The following CACNA2D3 variants were observed in gnomAD, a reference collection of about 807,000 sequenced individuals.
CACNA2D3 encodes voltage-dependent calcium channel subunit alpha-2/delta-3.
CACNA2D3 carries 60 observed loss-of-function variants against 160.6 expected under a neutral mutation model. The ratio of observed to expected loss-of-function variants is 0.37; its 90% CI spans 0.30 to 0.46. The LOEUF (loss-of-function observed/expected upper bound fraction) is 0.46. CACNA2D3 is among the 20% of genes least tolerant of loss of function. CACNA2D3 has a pLI of 1.00. For missense variants in CACNA2D3, 1,205 were observed against 1,365.0 expected (o/e 0.88, Z 1.85); for synonymous variants, 558 against 492.9 (o/e 1.13, Z -1.75).
rs190146141 is a variant in CACNA2D3 at position 54,363,339 on chromosome 3, G to C, written c.322-23376G>C. Among the ~76,000 whole-genome samples, 9 of 152,272 alleles carry C rather than the reference G, an allele frequency of 5.9e-5. No homozygotes were observed. In the East Asian group the frequency reaches 1.4e-3, roughly 23 times the overall value. On this transcript the variant is annotated intron_variant, in intron 3 of 37. Coordinates refer to ENST00000474759, the MANE Select transcript of CACNA2D3 (RefSeq NM_018398.3). ...AAGCTGGCCCTTAACCAGTTATAGT[G>C]CAAGGTGTCCTGATGTCAAGCAGTT...
intron 3 of CACNA2D3, among the ~76,000 whole-genome samples, chr3:54,330,300 C>G (rs1318051469): frequency 6.6e-6 from 1 of 151,774 alleles, no homozygotes; most frequent in Non-Finnish European, 1.5e-5. Context: ...AGAGCCTCCC[C>G]TCACTGCACC....
chr3:54,591,990 T>C (rs763856735), intron 9 of CACNA2D3, among the ~76,000 whole-genome samples: 10 of 152,142 alleles, frequency 6.6e-5, no homozygotes, highest in Non-Finnish European at 1.5e-4. Flanking sequence ...GCCCGTACCT[T>C]TCATCTTAGG....
rs558348981 is a variant in CACNA2D3, at chr3:54,203,751, C to T, written c.204+80157C>T. On this transcript the variant is annotated intron_variant, in intron 2 of 37. Transcript: ENST00000474759. ...GGCATCTGTCGGTGTGCTGTTCTGC[C>T]GACGTGCTTCCTCGATGTCCTCTCG... Among the ~76,000 whole-genome samples, 43 of 152,124 alleles carry T rather than the reference C, an allele frequency of 2.8e-4. No individual in the cohort carries two copies. The South Asian group carries it at 7.7e-3, about 27-fold the overall frequency.
chr3:54,750,048 T>C (rs1395676212), intron 11 of CACNA2D3, among the ~76,000 whole-genome samples: 1 of 152,242 alleles, frequency 6.6e-6, no homozygotes, highest in Non-Finnish European at 1.5e-5. Context: ...CAGCCATGTC[T>C]GATCTGAAGT....
chr3:54,153,071 C>G (rs1341575331), intron 2 of CACNA2D3, among the ~76,000 whole-genome samples: 1 of 152,152 alleles, frequency 6.6e-6, no homozygotes, highest in Non-Finnish European at 1.5e-5. Flanking sequence ...AGAATGCAAA[C>G]AGATTCTTCT....
chr3:54,918,446 G>T (rs770218220), intron 27 of CACNA2D3: 96 of 1,531,006 alleles, frequency 6.3e-5, no homozygotes, highest in Non-Finnish European at 8.0e-5. Context: ...AATCCTATTT[G>T]AGACAAAAGC....
chr3:54,755,508 A>G (rs1701952842), intron 12 of CACNA2D3, among the ~76,000 whole-genome samples: 1 of 152,214 alleles, frequency 6.6e-6, no homozygotes, highest in Admixed American at 6.5e-5. Context: ...CATATCCTTG[A>G]AGCTCTAAAA....
At chr3:54,319,470 T>A (rs1221968116) in intron 2 of CACNA2D3, among the ~76,000 whole-genome samples, 1 of 152,144 alleles carries the variant, frequency 6.6e-6, no homozygotes, top group Non-Finnish European at 1.5e-5. Flanking sequence ...TAAATATATC[T>A]TACCCAGCAT....
intron 2 of CACNA2D3, among the ~76,000 whole-genome samples, chr3:54,234,893 A>C (rs755597529): frequency 6.6e-6 from 1 of 152,158 alleles, no homozygotes; most frequent in Non-Finnish European, 1.5e-5. Flanking sequence ...AGGAGCAGCA[A>C]AGATAACTAT....
intron 35 of CACNA2D3, among the ~76,000 whole-genome samples, chr3:55,068,134 C>G (rs1297597841): frequency 6.6e-6 from 1 of 152,202 alleles, no homozygotes; most frequent in Non-Finnish European, 1.5e-5. Flanking sequence ...CCTAAGCAGG[C>G]AGAAGGTGCC....
intron 29 of CACNA2D3, among the ~76,000 whole-genome samples, chr3:54,976,412 G>A (rs1702392366): frequency 6.6e-6 from 1 of 151,940 alleles, no homozygotes; most frequent in African/African-American, 2.4e-5. Context: ...CAGTGCACCA[G>A]CATGTCACAT....
At chr3:54,344,808 T>G (rs1268041236) in intron 3 of CACNA2D3, among the ~76,000 whole-genome samples, 1 of 152,156 alleles carries the variant, frequency 6.6e-6, no homozygotes, top group Non-Finnish European at 1.5e-5. Context: ...TGGGCTGCAT[T>G]CCTAGACGGC....
chr3:54,189,780 C>T (rs1329962164), intron 2 of CACNA2D3, among the ~76,000 whole-genome samples: 1 of 152,226 alleles, frequency 6.6e-6, no homozygotes, highest in Non-Finnish European at 1.5e-5. Context: ...ACAGGCCTAT[C>T]TTCCCCATCA....
intron 3 of CACNA2D3, among the ~76,000 whole-genome samples, chr3:54,337,922 G>T (rs1285445134): frequency 1.3e-5 from 2 of 152,120 alleles, no homozygotes; most frequent in Non-Finnish European, 2.9e-5. Flanking sequence ...TCAAGCCATG[G>T]ACACCCCTTT....
intron 35 of CACNA2D3, among the ~76,000 whole-genome samples, chr3:55,033,737 TATA>T (rs1291242890): frequency 2.7e-5 from 3 of 111,466 alleles, no homozygotes; most frequent in South Asian, 5.2e-4. Context: ...ATATATTTTA[TATA>T]ATATATATTA....
At chr3:54,927,940 A>G (rs770324692) in intron 27 of CACNA2D3, 4 of 1,611,816 alleles carry the variant, frequency 2.5e-6, no homozygotes, top group Non-Finnish European at 3.4e-6. Flanking sequence ...GTCCTTGCTG[A>G]CCTCGTAGAC....
At position 54,303,821 on chromosome 3, in the gene CACNA2D3, T is replaced by TTTTG. The variant is rs1486886594; in HGVS notation, c.205-16618_205-16617insGTTT. Among the ~76,000 whole-genome samples the TTTTG allele has an allele frequency of 3.0e-4, 31 of 103,224 alleles. 1 individual carries two copies. Among genetic ancestry groups the TTTTG allele is most frequent in the Non-Finnish European group, 5.1e-4 (25 of 49,126 alleles). The allele number at this position is 103,224 out of a possible 152,430, so 67.7% of individuals were successfully genotyped here. A position where few individuals can be genotyped will look rare whatever the true frequency, so the allele number is the denominator to read the frequency against. ...CCTCATCAGTGACTTTTTTTCTGTT[T>TTTTG]TTTTTTTTTTTTTTTTTCTATTGCT... On this transcript the variant is annotated intron_variant, in intron 2 of 37. Transcript: ENST00000474759.
chr3:54,482,908 A>C (rs1700956606), intron 4 of CACNA2D3, among the ~76,000 whole-genome samples: 1 of 152,166 alleles, frequency 6.6e-6, no homozygotes, highest in South Asian at 2.1e-4. Flanking sequence ...TTCTGCTCAC[A>C]ACCCATTGGC....
intron 2 of CACNA2D3, among the ~76,000 whole-genome samples, chr3:54,226,501 A>G (rs1383978810): frequency 2.0e-5 from 3 of 151,694 alleles, no homozygotes; most frequent in Non-Finnish European, 4.4e-5. Context: ...AAGGGTCTTG[A>G]TATGTTGCCC....
Sources: allele counts gnomAD v4.1 joint callset (sites outside exome capture counted in the v4.1 genomes callset), GRCh38; gene constraint gnomAD v4.1.1; transcripts MANE v1.5; gene names NCBI Gene and HGNC (gene_info 2026-07-23, HGNC 2026-07-21).